Variants in KAT6A observed in about 807,000 individuals in gnomAD.
The protein encoded by KAT6A is lysine acetyltransferase 6A.
In KAT6A, 9 loss-of-function variants were observed where a neutral mutation model predicts 198.4. The ratio of observed to expected loss-of-function variants is 0.05; its 90% CI spans 0.03 to 0.08. KAT6A has a LOEUF of 0.08. Among genes scored for constraint, KAT6A ranks in the 10% least tolerant of loss-of-function variants. KAT6A has a pLI of 1.00. For synonymous variants in KAT6A, 890 were observed against 883.0 expected, an observed-to-expected ratio of 1.01 and a Z score of -0.14; for missense variants, 2,077 against 2,509.9, an observed-to-expected ratio of 0.83 and a Z score of 3.69.
At chr8:41,947,975 A>G (rs1822478723) in intron 10 of KAT6A, 63 bp from the exon 11 acceptor site, 1 of 1,324,874 alleles carries the variant, frequency 7.5e-7, no homozygotes, top group Admixed American at 2.5e-5. Flanking sequence ...AATAATATGT[A>G]TCAGTTAAAA....
intron 2 of KAT6A, among the ~76,000 whole-genome samples, chr8:42,018,751 C>T (rs746558619): frequency 6.6e-5 from 10 of 151,882 alleles, no homozygotes; most frequent in Non-Finnish European, 1.5e-4. Flanking sequence ...GGTGAAACCC[C>T]ATCTCTACTA....
At chr8:42,014,392 A>T (rs763957342) in intron 2 of KAT6A, among the ~76,000 whole-genome samples, 7 of 152,254 alleles carry the variant, frequency 4.6e-5, no homozygotes, top group Non-Finnish European at 7.3e-5. Context: ...ATCTATACCC[A>T]TACTATATAT....
intron 2 of KAT6A, among the ~76,000 whole-genome samples, chr8:41,987,821 A>G (rs1162547967): frequency 6.6e-6 from 1 of 152,234 alleles, no homozygotes; most frequent in Non-Finnish European, 1.5e-5. Context: ...TAGAACCTAA[A>G]TGATACAGTG....
rs1821473244 is a variant in KAT6A, at chr8:41,930,477, A to C, written c.*1728T>G. On this transcript the variant is annotated 3_prime_UTR_variant, in exon 17 of 17. Coordinates refer to ENST00000265713, the MANE Select transcript of KAT6A (RefSeq NM_006766.5). ...AAGTCAATTAAAGTGTATTAAAAAA[A>C]CCAACAAACCTGTGCATTTGAAAAA... The C allele has an allele frequency of 4.7e-6, 1 of 213,384 alleles. No individual in the cohort carries two copies. The highest frequency in any genetic ancestry group is 9.5e-6 in the Non-Finnish European group (1 of 105,640). The allele number at this position is 213,384 out of a possible 1,614,324, so 13.2% of individuals were successfully genotyped here. A position where few individuals can be genotyped will look rare whatever the true frequency, so the allele number is the denominator to read the frequency against.
chr8:41,997,446 T>C (rs1019645436), intron 2 of KAT6A, among the ~76,000 whole-genome samples: 1 of 152,204 alleles, frequency 6.6e-6, no homozygotes, highest in Non-Finnish European at 1.5e-5. Context: ...AACAATTATA[T>C]TTGGCTACTG....
chr8:41,962,721 CA>C, intron 8 of KAT6A, among the ~76,000 whole-genome samples: 1 of 152,250 alleles, frequency 6.6e-6, no homozygotes, highest in East Asian at 1.9e-4. Flanking sequence ...AAAGTCCTTA[CA>C]ATGGCCAAGA....
intron 2 of KAT6A, among the ~76,000 whole-genome samples, chr8:42,016,727 G>T (rs2150912069): frequency 6.6e-6 from 1 of 152,206 alleles, no homozygotes; most frequent in Admixed American, 6.5e-5. Flanking sequence ...GGAGATAGAA[G>T]AAATTTTTCT....
intron 8 of KAT6A, among the ~76,000 whole-genome samples, chr8:41,958,666 G>A (rs60617375): frequency 1.3e-5 from 2 of 152,180 alleles, no homozygotes; most frequent in African/African-American, 2.4e-5. Context: ...GTACATATAT[G>A]TGTATAGTAC....
intron 8 of KAT6A, among the ~76,000 whole-genome samples, chr8:41,969,976 T>C (rs994675297): frequency 6.6e-6 from 1 of 152,158 alleles, no homozygotes; most frequent in Non-Finnish European, 1.5e-5. Flanking sequence ...AGTCTTCCCT[T>C]CTCATAAACA....
chr8:41,957,888 T>A (rs1823003312), intron 8 of KAT6A: 1 of 152,578 alleles, frequency 6.6e-6, no homozygotes, highest in African/African-American at 2.4e-5. Flanking sequence ...TATCCCCAAC[T>A]CTGGATCTGG....
intron 2 of KAT6A, among the ~76,000 whole-genome samples, chr8:42,038,332 C>A (rs1417628218): frequency 6.6e-6 from 1 of 152,192 alleles, no homozygotes; most frequent in African/African-American, 2.4e-5. Flanking sequence ...AGAAAGCAGT[C>A]TTTTCCCAAA....
intron 7 of KAT6A, 59 bp downstream of exon 7, chr8:41,976,949 A>G: frequency 2.3e-6 from 3 of 1,309,906 alleles, no homozygotes; most frequent in Non-Finnish European, 3.2e-6. Flanking sequence ...AATTAGTGTT[A>G]TCCCGAATAA....
chr8:41,937,589 G>GT (rs1564008089), intron 15 of KAT6A, 21 bp from the exon 16 acceptor site: 1 of 1,569,520 alleles, frequency 6.4e-7, no homozygotes, highest in Admixed American at 1.8e-5. Flanking sequence ...GAGAAAGCAA[G>GT]TATTTACAGT....
intron 8 of KAT6A, chr8:41,957,208 T>G: frequency 1.7e-6 from 1 of 582,892 alleles, no homozygotes; most frequent in Non-Finnish European, 3.4e-6. Flanking sequence ...TGTGGTAGGT[T>G]CCCCTCTGCC....
At chr8:42,025,229 G>C (rs749996428) in intron 2 of KAT6A, among the ~76,000 whole-genome samples, 27 of 151,332 alleles carry the variant, frequency 1.8e-4, no homozygotes, top group Non-Finnish European at 3.8e-4. Flanking sequence ...TTTTGTTTTT[G>C]AGATGGAGTT....
At position 42,024,577 on chromosome 8, in the gene KAT6A, C is replaced by T. The variant is rs572256777; in HGVS notation, c.600+23801G>A. The stretch of plus-strand genomic sequence containing the variant: ...ATGTTTGTACCCATTAACCTCTCTT[C>T]ATCCACCCCACCCCTCGCCCATCTC... On this transcript the variant is annotated intron_variant, in intron 2 of 16. Transcript: ENST00000265713. Among the ~76,000 whole-genome samples, 6 of 152,234 alleles carry T rather than the reference C, an allele frequency of 3.9e-5. No individual in the cohort carries two copies. The South Asian group carries it at 6.2e-4, about 16-fold the overall frequency.
intron 7 of KAT6A, among the ~76,000 whole-genome samples, chr8:41,975,269 G>A (rs1823993561): frequency 6.6e-6 from 1 of 152,036 alleles, no homozygotes; most frequent in Non-Finnish European, 1.5e-5. Context: ...TAAAGTTAAA[G>A]CACAAACTTT....
At chr8:42,014,794 G>GAAGT (rs1159082353) in intron 2 of KAT6A, among the ~76,000 whole-genome samples, 1 of 152,226 alleles carries the variant, frequency 6.6e-6, no homozygotes, top group Non-Finnish European at 1.5e-5. Flanking sequence ...GGTAGAAACT[G>GAAGT]AAGTAGAAGC....
intron 2 of KAT6A, among the ~76,000 whole-genome samples, chr8:42,044,343 C>G (rs544890565): frequency 5.4e-5 from 8 of 148,306 alleles, no homozygotes; most frequent in African/African-American, 1.7e-4. Context: ...AGGTGATCCA[C>G]CCCCCCCTCG....
Sources: allele counts gnomAD v4.1 joint callset (sites outside exome capture counted in the v4.1 genomes callset), GRCh38; gene constraint gnomAD v4.1.1; transcripts MANE v1.5; gene names NCBI Gene and HGNC (gene_info 2026-07-23, HGNC 2026-07-21).